MYO16: variants seen among roughly 807,000 people sequenced by gnomAD.
MYO16 encodes the protein myosin XVI.
MYO16 carries 94 observed loss-of-function variants against 205.3 expected under a neutral mutation model. That is an observed-to-expected ratio of 0.46 (90% confidence interval 0.39 to 0.54). The LOEUF (loss-of-function observed/expected upper bound fraction) is 0.54. MYO16 is among the 20% of genes least tolerant of loss of function. MYO16 has a pLI of 0.00. For synonymous variants in MYO16, 988 were observed against 954.0 expected (o/e 1.04, Z -0.66); for missense variants, 2,315 against 2,387.5 (o/e 0.97, Z 0.63).
intron 11 of MYO16, among the ~76,000 whole-genome samples, chr13:108,862,279 G>T (rs78866891): frequency 0.013 from 2,038 of 152,236 alleles, 49 homozygotes; most frequent in African/African-American, 0.046. Context: ...TTGTGGTTTT[G>T]GTTGTATGCA....
intron 32 of MYO16, among the ~76,000 whole-genome samples, chr13:109,157,815 G>A (rs7324846): frequency 0.24 from 36,967 of 152,042 alleles, 5,072 homozygotes; most frequent in Middle Eastern, 0.32. Flanking sequence ...ACAGTGATGC[G>A]TCAGATTCTT....
chr13:109,037,893 C>T (rs1406604778), intron 23 of MYO16, among the ~76,000 whole-genome samples: 1 of 152,070 alleles, frequency 6.6e-6, no homozygotes, highest in African/African-American at 2.4e-5. Flanking sequence ...AGACTTGGGC[C>T]TAGAAAGGCA....
intron 16 of MYO16, among the ~76,000 whole-genome samples, chr13:108,952,203 A>C (rs1883184055): frequency 6.6e-6 from 1 of 152,130 alleles, no homozygotes; most frequent in Non-Finnish European, 1.5e-5. Context: ...ATTTCTATGG[A>C]ATTGGACTAC....
chr13:109,061,628 G>A (rs963582570), intron 27 of MYO16, among the ~76,000 whole-genome samples: 9 of 152,148 alleles, frequency 5.9e-5, no homozygotes, highest in African/African-American at 2.2e-4. Flanking sequence ...GGTGTGGTTT[G>A]TGGCACGCCA....
chr13:109,090,530 G>A (rs965201014), intron 27 of MYO16, among the ~76,000 whole-genome samples: 8 of 152,176 alleles, frequency 5.3e-5, no homozygotes, highest in Non-Finnish European at 8.8e-5. Context: ...CTCAGGAAGG[G>A]GCAGAATGCA....
Position 108,883,090 on chromosome 13 carries a change from AGCTGT to A in MYO16, c.1459_1463del (p.Leu487PhefsTer39). The A allele has an allele frequency of 6.2e-7, 1 of 1,614,058 alleles. No individual in the cohort carries two copies. Among genetic ancestry groups the A allele is most frequent in the Non-Finnish European group, 8.5e-7 (1 of 1,179,976 alleles). ...CAGCTGTATTTCAGCTCCTCAGGGA[AGCTGT>A]GTTCCTCGCTGCCTCCTCACCTCTT... On this transcript the variant is annotated frameshift_variant, in exon 13 of 35. Coordinates refer to ENST00000457511, the MANE Select transcript of MYO16 (RefSeq NM_001198950.3). LOFTEE classifies it high-confidence loss of function.
intron 28 of MYO16, among the ~76,000 whole-genome samples, chr13:109,109,561 C>G (rs1889220603): frequency 6.6e-6 from 1 of 152,092 alleles, no homozygotes; most frequent in Non-Finnish European, 1.5e-5. Flanking sequence ...GTGGATGGGA[C>G]AAGGGAGGAA....
At chr13:108,558,912 G>A in the MYO16 span, among the ~76,000 whole-genome samples, 110 of 151,622 alleles carry the variant, frequency 7.3e-4, no homozygotes, top group Non-Finnish European at 1.2e-3. Context: ...CTCATGTATT[G>A]GTGAGCACAG....
chr13:109,000,387 G>C (rs1040123999), intron 21 of MYO16, among the ~76,000 whole-genome samples: 8 of 152,182 alleles, frequency 5.3e-5, no homozygotes, highest in African/African-American at 1.7e-4. Context: ...GGCCCAGTGG[G>C]AATTCAGAGG....
chr13:108,594,623 C>A (rs1878490990), upstream of MYO16, among the ~76,000 whole-genome samples: 1 of 152,200 alleles, frequency 6.6e-6, no homozygotes, highest in South Asian at 2.1e-4. Flanking sequence ...TTCCTCAATT[C>A]CCCTGATGCG....
chr13:109,026,573 A>C (rs1208548705), intron 23 of MYO16, among the ~76,000 whole-genome samples: 2 of 152,168 alleles, frequency 1.3e-5, no homozygotes, highest in Non-Finnish European at 2.9e-5. Context: ...AGGAAACCAT[A>C]AAGTATTTAT....
the MYO16 span, among the ~76,000 whole-genome samples, chr13:108,518,573 G>T: frequency 2.0e-5 from 3 of 152,168 alleles, no homozygotes; most frequent in African/African-American, 7.2e-5. Context: ...TTTTTGAACA[G>T]AGAGGTGTTT....
chr13:109,161,590 A>G (rs1262743758), intron 32 of MYO16, among the ~76,000 whole-genome samples: 1 of 152,212 alleles, frequency 6.6e-6, no homozygotes, highest in East Asian at 1.9e-4. Context: ...CTATTGTAAG[A>G]GCAATGTGAG....
At chr13:109,044,072 C>G (rs552930087) in intron 23 of MYO16, among the ~76,000 whole-genome samples, 1 of 151,810 alleles carries the variant, frequency 6.6e-6, no homozygotes, top group African/African-American at 2.4e-5. Flanking sequence ...CAAATGATAC[C>G]GAATTACAGT....
chr13:108,884,286 G>T (rs927640123), intron 13 of MYO16, among the ~76,000 whole-genome samples: 6 of 152,244 alleles, frequency 3.9e-5, no homozygotes, highest in African/African-American at 1.4e-4. Flanking sequence ...TGGAGGGACA[G>T]ACTGATGGGC....
the MYO16 span, among the ~76,000 whole-genome samples, chr13:108,534,855 T>C: frequency 6.7e-6 from 1 of 148,580 alleles, no homozygotes; most frequent in Non-Finnish European, 1.5e-5. Flanking sequence ...CCTCATCCTC[T>C]TCCTCCTCCT....
At chr13:108,682,324 CA>C (rs1396261273) in intron 2 of MYO16, among the ~76,000 whole-genome samples, 3 of 152,074 alleles carry the variant, frequency 2.0e-5, no homozygotes, top group Non-Finnish European at 4.4e-5. Context: ...CTATTGTGAG[CA>C]GTGCAATGTC....
chr13:108,971,739 C>T (rs937035438), intron 20 of MYO16, among the ~76,000 whole-genome samples: 5 of 152,002 alleles, frequency 3.3e-5, no homozygotes, highest in Admixed American at 3.3e-4. Context: ...TATGATTAAT[C>T]GCATTGATTT....
intron 4 of MYO16, among the ~76,000 whole-genome samples, chr13:108,750,175 T>C (rs1885187089): frequency 6.6e-6 from 1 of 152,208 alleles, no homozygotes; most frequent in Non-Finnish European, 1.5e-5. Context: ...CTGTACGATA[T>C]TGTGACAGCG....
Sources: gnomAD v4.1 joint callset for allele counts (sites outside exome capture counted in the v4.1 genomes callset) on GRCh38, gnomAD v4.1.1 for gene constraint, MANE v1.5 for transcripts, NCBI Gene and HGNC (gene_info 2026-07-23, HGNC 2026-07-21) for gene names.